The following VPS13B variants were observed in gnomAD, a reference collection of about 807,000 sequenced individuals.
VPS13B encodes intermembrane lipid transfer protein VPS13B.
A neutral mutation model predicts 426.4 loss-of-function variants in VPS13B; 285 were observed. The observed-to-expected ratio is 0.67, with a 90% CI of 0.61 to 0.74. The LOEUF is 0.74. Ranked by LOEUF, VPS13B falls within the 30% of genes least tolerant of loss-of-function variation. The pLI, the probability that VPS13B is intolerant of heterozygous loss-of-function variation, is 0.00. For synonymous variants in VPS13B, 1,676 were observed against 1,676.4 expected, an observed-to-expected ratio of 1.00 and a Z score of 0.01; for missense variants, 4,537 against 4,782.6, an observed-to-expected ratio of 0.95 and a Z score of 1.51.
intron 5 of VPS13B, among the ~76,000 whole-genome samples, chr8:99,110,681 T>C (rs1180801083): frequency 6.6e-6 from 1 of 151,856 alleles, no homozygotes; most frequent in Non-Finnish European, 1.5e-5. Flanking sequence ...AGCAGTGAGT[T>C]TTTTTTAATA....
intron 39 of VPS13B, among the ~76,000 whole-genome samples, chr8:99,724,960 T>C (rs1339640369): frequency 6.6e-6 from 1 of 152,206 alleles, no homozygotes; most frequent in East Asian, 1.9e-4. Flanking sequence ...CAAACTGGCC[T>C]ATCTGGCATT....
At chr8:99,524,699 G>A (rs1822555475) in intron 30 of VPS13B, among the ~76,000 whole-genome samples, 1 of 152,144 alleles carries the variant, frequency 6.6e-6, no homozygotes, top group African/African-American at 2.4e-5. Flanking sequence ...AATCTGAGAT[G>A]GAAGAATCAC....
At chr8:99,486,532 T>C (rs1820320782) in intron 25 of VPS13B, among the ~76,000 whole-genome samples, 1 of 152,234 alleles carries the variant, frequency 6.6e-6, no homozygotes. Context: ...GATTTTATCA[T>C]GCCACCACTT....
At chr8:99,538,930 G>A (rs901076747) in intron 30 of VPS13B, among the ~76,000 whole-genome samples, 19 of 152,000 alleles carry the variant, frequency 1.3e-4, no homozygotes, top group Non-Finnish European at 2.6e-4. Context: ...TTTTCTCTAG[G>A]CAAAGAAATA....
intron 19 of VPS13B, among the ~76,000 whole-genome samples, chr8:99,365,353 T>G (rs906333559): frequency 2.6e-5 from 4 of 151,822 alleles, no homozygotes; most frequent in Admixed American, 1.3e-4. Context: ...TTAAGATATA[T>G]CATTAGGTTG....
rs1162388933 is a variant in VPS13B at position 99,142,925 on chromosome 8, C to T, written c.1652-49C>T. 5.2e-6 allele frequency: 8 copies of T among 1,544,574 alleles called. No individual in the cohort carries two copies. The South Asian group carries it at 7.2e-5, about 14-fold the overall frequency. ...GAGAAGAGCGATTTTAAAATATTTA[C>T]TTGGTATATCCAATTGATGCTTAAA... On this transcript the variant is annotated intron_variant, in intron 12 of 61. Coordinates refer to ENST00000357162, the MANE Select transcript of VPS13B (RefSeq NM_152564.5).
chr8:99,680,256 T>C (rs1273438784), intron 35 of VPS13B, among the ~76,000 whole-genome samples: 1 of 152,166 alleles, frequency 6.6e-6, no homozygotes, highest in Non-Finnish European at 1.5e-5. Flanking sequence ...AGTTGGAACA[T>C]TTTAAATGAG....
chr8:99,209,292 C>CAAAAAAAAAAAAAAAAA (rs1814923940), intron 17 of VPS13B, among the ~76,000 whole-genome samples: 1 of 144,284 alleles, frequency 6.9e-6, no homozygotes, highest in Non-Finnish European at 1.5e-5. Context: ...AAAAAAAAAA[C>CAAAAAAAAAAAAAAAAA]AAAACAAAAA....
chr8:99,741,051 C>T (rs1347297136), intron 39 of VPS13B, among the ~76,000 whole-genome samples: 2 of 152,030 alleles, frequency 1.3e-5, no homozygotes, highest in South Asian at 4.2e-4. Context: ...GAGTCAAGAC[C>T]CATCACTGTG....
At chr8:99,085,602 C>T (rs903754299) in intron 3 of VPS13B, among the ~76,000 whole-genome samples, 3 of 152,158 alleles carry the variant, frequency 2.0e-5, no homozygotes, top group Non-Finnish European at 2.9e-5. Flanking sequence ...TTTTTCCTTT[C>T]CATGTTTAGT....
At position 99,046,825 on chromosome 8, in the gene VPS13B, A is replaced by G. The variant is rs186858994; in HGVS notation, c.291+8259A>G. Reference sequence around the variant, plus strand: ...TTAAATTCTGTTTATGTGGTTTAGCACATTTATTGACTCGTGTGTGTTAAA... The same window carrying G: ...TTAAATTCTGTTTATGTGGTTTAGCGCATTTATTGACTCGTGTGTGTTAAA... On this transcript the variant is annotated intron_variant, in intron 3 of 61. Transcript: ENST00000357162. Among the ~76,000 whole-genome samples the G allele has an allele frequency of 1.3e-5, 2 of 152,122 alleles. 1 individual carries two copies. Among genetic ancestry groups the G allele is most frequent in the Non-Finnish European group, 2.9e-5 (2 of 68,018 alleles).
At chr8:99,382,829 C>G (rs1422496548) in intron 19 of VPS13B, among the ~76,000 whole-genome samples, 1 of 152,138 alleles carries the variant, frequency 6.6e-6, no homozygotes, top group Non-Finnish European at 1.5e-5. Flanking sequence ...CCTGATTGCT[C>G]TGGCCAGGAT....
chr8:99,460,132 T>C (rs1236199998), intron 23 of VPS13B, among the ~76,000 whole-genome samples: 1 of 152,138 alleles, frequency 6.6e-6, no homozygotes, highest in African/African-American at 2.4e-5. Flanking sequence ...ACTTGGTAAT[T>C]TGCTATTTGT....
At chr8:99,162,669 C>T (rs747624331) in intron 15 of VPS13B, among the ~76,000 whole-genome samples, 45 of 152,124 alleles carry the variant, frequency 3.0e-4, no homozygotes, top group Non-Finnish European at 5.9e-4. Context: ...CCGGTGGGCT[C>T]ATGGTCTCGC....
intron 25 of VPS13B, among the ~76,000 whole-genome samples, chr8:99,488,136 C>T (rs144667668): frequency 4.6e-5 from 7 of 152,182 alleles, no homozygotes; most frequent in Middle Eastern, 3.4e-3. Flanking sequence ...ATACTTTATT[C>T]GGTGCTGATT....
At chr8:99,438,816 C>T (rs929717538) in intron 22 of VPS13B, among the ~76,000 whole-genome samples, 2 of 151,842 alleles carry the variant, frequency 1.3e-5, no homozygotes, top group African/African-American at 4.8e-5. Context: ...TTTTAATGGC[C>T]CCTATATACA....
intron 17 of VPS13B, chr8:99,209,753 C>A (rs917415322): frequency 2.7e-5 from 26 of 950,230 alleles, no homozygotes; most frequent in Non-Finnish European, 3.3e-5. Flanking sequence ...ATTGTATAGT[C>A]AAAATGGCTC....
At chr8:99,720,588 G>A (rs1477698240) in intron 38 of VPS13B, 36 bp downstream of exon 38, 1 of 1,596,166 alleles carries the variant, frequency 6.3e-7, no homozygotes, top group South Asian at 1.1e-5. Flanking sequence ...GAGTGTCTCT[G>A]TGCATGTGGT....
At chr8:99,566,264 G>C (rs1189184851) in intron 31 of VPS13B, among the ~76,000 whole-genome samples, 1 of 152,066 alleles carries the variant, frequency 6.6e-6, no homozygotes, top group African/African-American at 2.4e-5. Flanking sequence ...ATAAGAAAAT[G>C]TTTAAATTGT....
Sources: allele counts gnomAD v4.1 joint callset (sites outside exome capture counted in the v4.1 genomes callset), GRCh38; gene constraint gnomAD v4.1.1; transcripts MANE v1.5; gene names NCBI Gene and HGNC (gene_info 2026-07-23, HGNC 2026-07-21).